The following RYR2 variants were observed in gnomAD, a reference collection of about 807,000 sequenced individuals.
RYR2 encodes the protein cardiac muscle ryanodine receptor-calcium release channel.
A neutral mutation model predicts 601.1 loss-of-function variants in RYR2; 227 were observed. The ratio of observed to expected loss-of-function variants is 0.38; its 90% CI spans 0.34 to 0.42. The LOEUF (loss-of-function observed/expected upper bound fraction) is 0.42, where lower values mean the gene tolerates loss of function less well. RYR2 is among the 10% of genes least tolerant of loss of function. RYR2 has a pLI of 1.00. For missense variants in RYR2, 4,646 were observed against 6,156.5 expected, an observed-to-expected ratio of 0.75 and a Z score of 8.21; for synonymous variants, 2,223 against 2,175.1, an observed-to-expected ratio of 1.02 and a Z score of -0.61.
Position 237,783,731 on chromosome 1 carries a change from T to C in RYR2, c.12019T>C (p.Ser4007Pro). Residue 4007 changes from serine to proline, a missense_variant, in exon 90 of 105, where the codon TCC (serine) becomes CCC (proline). Physicochemically the swap from Ser to Pro is moderately conservative, Grantham distance 74. This residue lies in a region of RYR2 where 90 missense variants were observed against 213.3 expected (regional missense o/e 0.42). Coordinates refer to ENST00000366574, the MANE Select transcript of RYR2 (RefSeq NM_001035.3). ...GATGGTGGATATGCTTGTGGAATCT[T>C]CCAACAACGTGGAGATGATTCTCAA... ...KQMVDMLVES[S>P]NNVEMILKFF... The C allele has an allele frequency of 6.2e-7, 1 of 1,612,450 alleles. No individual in the cohort carries two copies. The highest frequency in any genetic ancestry group is 8.5e-7 in the Non-Finnish European group (1 of 1,179,082).
At chr1:237,064,743 G>A (rs1572505412) in intron 1 of RYR2, among the ~76,000 whole-genome samples, 2 of 82,150 alleles carry the variant, frequency 2.4e-5, no homozygotes, top group South Asian at 7.6e-4. Flanking sequence ...GTTTTTACTA[G>A]AACCTGTCTT....
In RYR2 at chr1:237,511,833, TGAAAAAAAAA is replaced by T. The variant is rs1665933439; in HGVS notation, c.2822+43_2822+52del. 1.5e-5 allele frequency: 4 copies of T among 274,706 alleles called. No individual in the cohort carries two copies. In the South Asian group the frequency reaches 3.3e-4, roughly 22 times the overall value. 17.0% of individuals were successfully genotyped at this position (274,706 alleles called of 1,614,324 possible). On this transcript the variant is annotated intron_variant, in intron 24 of 104. Transcript: ENST00000366574. ...TTTCTATTTTCCAACCTGCCTTCCCTGAAAAAAAAAAAAAAAAAAAAAAAAACAGGTATTG... is the reference window on the plus strand; with the variant it reads ...TTTCTATTTTCCAACCTGCCTTCCCTAAAAAAAAAAAAAAAACAGGTATTG...
chr1:237,751,100 A>C (rs1242291547), intron 80 of RYR2, among the ~76,000 whole-genome samples: 1 of 152,194 alleles, frequency 6.6e-6, no homozygotes, highest in Non-Finnish European at 1.5e-5. Context: ...TTTCCCACTA[A>C]GTAGTCCAAC....
chr1:237,734,765 G>C (rs2149179582), intron 79 of RYR2, among the ~76,000 whole-genome samples: 1 of 152,296 alleles, frequency 6.6e-6, no homozygotes. Flanking sequence ...AGAGAAGAAG[G>C]CAAAGTAAAT....
intron 4 of RYR2, among the ~76,000 whole-genome samples, chr1:237,359,865 C>T (rs1435348093): frequency 6.6e-6 from 1 of 152,180 alleles, no homozygotes; most frequent in Non-Finnish European, 1.5e-5. Flanking sequence ...TAGCCCTTTT[C>T]TAACCTATAC....
intron 13 of RYR2, 79 bp from the exon 14 acceptor site, chr1:237,445,322 T>C: frequency 1.3e-6 from 2 of 1,566,112 alleles, no homozygotes; most frequent in South Asian, 2.3e-5. Flanking sequence ...ATGGCTCAGC[T>C]GTTTGAGTAC....
intron 38 of RYR2, 105 bp downstream of exon 38, chr1:237,617,591 C>A: frequency 9.3e-7 from 1 of 1,070,944 alleles, no homozygotes; most frequent in Non-Finnish European, 1.3e-6. Context: ...TTTCCTTGTT[C>A]TGTTTAAAGT....
intron 80 of RYR2, among the ~76,000 whole-genome samples, chr1:237,752,615 A>C (rs556530596): frequency 6.6e-6 from 1 of 152,188 alleles, no homozygotes; most frequent in South Asian, 2.1e-4. Flanking sequence ...ATTGAAGTAG[A>C]TAAGTTGTCT....
rs1019533379 is a variant in RYR2, at chr1:237,572,214, A to G, written c.3598+2895A>G. Among the ~76,000 whole-genome samples the G allele has an allele frequency of 3.3e-5, 5 of 152,138 alleles. No individual in the cohort carries two copies. The East Asian group carries it at 7.7e-4, about 23-fold the overall frequency. On this transcript the variant is annotated intron_variant, in intron 29 of 104. Transcript: ENST00000366574. Reference sequence around the variant, plus strand: ...AGGAGGAAGGCTTTTTATTGGTGTTATCTATCTGTCTACACTGGCTGCTAC... The same window carrying G: ...AGGAGGAAGGCTTTTTATTGGTGTTGTCTATCTGTCTACACTGGCTGCTAC...
chr1:237,282,972 A>T (rs1572464556), intron 2 of RYR2, among the ~76,000 whole-genome samples: 3 of 152,270 alleles, frequency 2.0e-5, no homozygotes, highest in Admixed American at 2.0e-4. Context: ...CTAACAGTGG[A>T]TTGCATTATT....
chr1:237,581,417 G>A (rs2392630), intron 29 of RYR2, among the ~76,000 whole-genome samples: 24 of 152,140 alleles, frequency 1.6e-4, no homozygotes, highest in East Asian at 9.7e-4. Flanking sequence ...TCCTTTCCTC[G>A]GGAGAAAACC....
intron 29 of RYR2, among the ~76,000 whole-genome samples, chr1:237,579,248 C>CTTTTTTTT (rs546960253): frequency 4.4e-5 from 3 of 68,088 alleles, no homozygotes; most frequent in South Asian, 6.3e-4. Flanking sequence ...TCTTCTTCTT[C>CTTTTTTTT]TTTTTTTTTT....
intron 88 of RYR2, 68 bp from the exon 89 acceptor site, chr1:237,781,497 G>A: frequency 2.6e-6 from 2 of 784,214 alleles, no homozygotes; most frequent in South Asian, 1.6e-5. Flanking sequence ...CTTTTTGTGA[G>A]AATAAGTATG....
intron 1 of RYR2, among the ~76,000 whole-genome samples, chr1:237,107,861 T>C (rs1668917934): frequency 1.3e-5 from 2 of 152,206 alleles, no homozygotes; most frequent in Non-Finnish European, 2.9e-5. Flanking sequence ...GGCTCCTCCC[T>C]CCTTCCCTGG....
intron 2 of RYR2, among the ~76,000 whole-genome samples, chr1:237,281,646 C>T (rs79847024): frequency 0.017 from 2,521 of 152,304 alleles, 28 homozygotes; most frequent in South Asian, 0.031. Flanking sequence ...CTGCTGCATC[C>T]CGTCAGTGCA....
chr1:237,678,000 G>T (rs925872076), intron 60 of RYR2, 48 bp from the exon 61 acceptor site: 2 of 1,066,928 alleles, frequency 1.9e-6, no homozygotes, highest in Non-Finnish European at 1.4e-6. Context: ...TGAATATCTT[G>T]CAATGTTTCC....
chr1:237,813,062 T>G (rs1262541588), intron 100 of RYR2, among the ~76,000 whole-genome samples: 1 of 152,074 alleles, frequency 6.6e-6, no homozygotes, highest in Non-Finnish European at 1.5e-5. Flanking sequence ...GAAGATGTGT[T>G]AAGGATCCTT....
rs765883801 is a variant in RYR2 at position 237,456,713 on chromosome 1, G to C, written c.1590G>C (p.Leu530=). The change falls in exon 16 of 105, where the codon CTG becomes CTC. Residue 530 remains leucine, a synonymous_variant. Coordinates refer to ENST00000366574, the MANE Select transcript of RYR2 (RefSeq NM_001035.3). ...CAGGAGAGTCTTGGAAATCCATTCTGAATTCTCTGTATGAGTTGCTGGGTA... is the reference window on the plus strand; with the variant it reads ...CAGGAGAGTCTTGGAAATCCATTCTCAATTCTCTGTATGAGTTGCTGGGTA... ...REAGESWKSI[L]NSLYELLAAL... is the part of the protein sequence containing the mutation. 1 of 1,613,546 alleles carries C rather than the reference G, an allele frequency of 6.2e-7. No individual in the cohort carries two copies. Among genetic ancestry groups the C allele is most frequent in the Non-Finnish European group, 8.5e-7 (1 of 1,179,628 alleles).
rs1420999217 is a variant in RYR2 at position 237,591,797 on chromosome 1, G to A, written c.4219G>A (p.Glu1407Lys). Reference sequence around the variant, plus strand: ...CACAAGCCATTCTGCAAGACTCACCGAAGATGTCCTTGCTGATGATCGGGA... The same window carrying A: ...CACAAGCCATTCTGCAAGACTCACCAAAGATGTCCTTGCTGATGATCGGGA... ...YSTSHSARLTEDVLADDRDDY... is the reference protein window; with the variant it reads ...YSTSHSARLTKDVLADDRDDY... Residue 1407 changes from glutamate (E) to lysine (K), a missense_variant, in exon 32 of 105, where the codon GAA becomes AAA. Around this residue, in one of 17 missense-constraint regions of RYR2, gnomAD observed 1,807 missense variants for 2,088.1 expected, o/e 0.87. Transcript: ENST00000366574. 4 of 1,613,682 alleles carry A rather than the reference G, an allele frequency of 2.5e-6. No individual in the cohort carries two copies. Among genetic ancestry groups the A allele is most frequent in the Non-Finnish European group, 3.4e-6 (4 of 1,179,808 alleles).
Sources: allele counts gnomAD v4.1 joint callset (sites outside exome capture counted in the v4.1 genomes callset), GRCh38; gene constraint gnomAD v4.1.1; regional missense constraint gnomAD v4.1.1; transcripts MANE v1.5; gene names NCBI Gene and HGNC (gene_info 2026-07-23, HGNC 2026-07-21).